Variants in PIKFYVE observed in about 807,000 individuals in gnomAD.
The protein encoded by PIKFYVE is 1-phosphatidylinositol 3-phosphate 5-kinase.
A neutral mutation model predicts 257.9 loss-of-function variants in PIKFYVE; 122 were observed. The ratio of observed to expected loss-of-function variants is 0.47; its 90% CI spans 0.41 to 0.55. PIKFYVE has a LOEUF of 0.55. Among genes scored for constraint, PIKFYVE ranks in the 20% least tolerant of loss-of-function variants. The pLI is 0.00. For synonymous variants in PIKFYVE, 892 were observed against 868.9 expected (o/e 1.03, Z -0.47); for missense variants, 2,160 against 2,536.6 (o/e 0.85, Z 3.19).
intron 15 of PIKFYVE, among the ~76,000 whole-genome samples, chr2:208,316,787 A>C (rs558297226): frequency 1.3e-5 from 2 of 152,248 alleles, no homozygotes; most frequent in East Asian, 3.8e-4. Flanking sequence ...AAATAGAGAT[A>C]TAGATCAATG....
chr2:208,348,419 C>T (rs1292203783), intron 35 of PIKFYVE, among the ~76,000 whole-genome samples: 1 of 152,090 alleles, frequency 6.6e-6, no homozygotes, highest in Non-Finnish European at 1.5e-5. Flanking sequence ...TGTAAAGTTG[C>T]AGCTATTTAT....
At chr2:208,267,502 GTTTT>G (rs376773052) in intron 1 of PIKFYVE, among the ~76,000 whole-genome samples, 11 of 109,132 alleles carry the variant, frequency 1.0e-4, no homozygotes, top group Admixed American at 2.2e-4. Context: ...TACATTGCCA[GTTTT>G]TTTTTTTTTT....
At chr2:208,324,303 A>G (rs371582765) in intron 18 of PIKFYVE, 21 bp downstream of exon 18, 203 of 1,610,298 alleles carry the variant, frequency 1.3e-4, no homozygotes, top group Non-Finnish European at 1.6e-4. Context: ...TTAATTTTCT[A>G]TTGTATTTTA....
chr2:208,300,763 A>T (rs6755550), intron 8 of PIKFYVE, among the ~76,000 whole-genome samples, 174 bp from the exon 9 acceptor site: 151,329 of 152,366 alleles, frequency 0.99, 75,161 homozygotes, highest in Middle Eastern at 1. Flanking sequence ...TTAGATGAGC[A>T]GAGTTCAAGC....
At chr2:208,285,551 C>T (rs1337123521) in intron 5 of PIKFYVE, among the ~76,000 whole-genome samples, 175 bp from the exon 6 acceptor site, 1 of 152,016 alleles carries the variant, frequency 6.6e-6, no homozygotes, top group Non-Finnish European at 1.5e-5. Context: ...TATAATAGAG[C>T]TAACAAAATT....
chr2:208,299,280 T>C lies in PIKFYVE; in HGVS notation c.1050+501T>C, dbSNP rs575460915. ...TCATTGCATTAATATTTTCTTTTCT[T>C]TCTTTCTTTATTATTATTATTTTTT... On this transcript the variant is annotated intron_variant, in intron 8 of 41. Transcript: ENST00000264380. Among the ~76,000 whole-genome samples the C allele has an allele frequency of 5.3e-5, 8 of 151,968 alleles. No homozygotes were observed. The South Asian group carries it at 1.7e-3, about 32-fold the overall frequency.
intron 17 of PIKFYVE, among the ~76,000 whole-genome samples, chr2:208,323,764 A>G (rs1696587906): frequency 6.6e-6 from 1 of 152,188 alleles, no homozygotes; most frequent in South Asian, 2.1e-4. Flanking sequence ...CATCCTCTCC[A>G]GCACATGTTG....
intron 9 of PIKFYVE, 71 bp from the exon 10 acceptor site, chr2:208,302,171 T>G (rs888574249): frequency 7.0e-6 from 9 of 1,292,694 alleles, no homozygotes; most frequent in East Asian, 2.3e-5. Context: ...ATTTTAAGGT[T>G]GTGTCTTATC....
At chr2:208,351,626 C>T (rs112062350) in intron 38 of PIKFYVE, among the ~76,000 whole-genome samples, 171 bp downstream of exon 38, 1 of 152,026 alleles carries the variant, frequency 6.6e-6, no homozygotes, top group African/African-American at 2.4e-5. Context: ...GTATACAAAG[C>T]ATAGTGCTGG....
intron 34 of PIKFYVE, among the ~76,000 whole-genome samples, chr2:208,346,574 T>C (rs1699253178): frequency 6.6e-6 from 1 of 152,216 alleles, no homozygotes; most frequent in African/African-American, 2.4e-5. Flanking sequence ...ATATCCTTAT[T>C]TTTCAAGAAG....
intron 10 of PIKFYVE, among the ~76,000 whole-genome samples, chr2:208,303,895 G>T (rs545083293): frequency 6.6e-6 from 1 of 152,222 alleles, no homozygotes; most frequent in Admixed American, 6.5e-5. Flanking sequence ...TCAGGACTAA[G>T]GCATGAAATG....
chr2:208,300,109 C>G (rs1019484232), intron 8 of PIKFYVE, among the ~76,000 whole-genome samples: 4 of 152,004 alleles, frequency 2.6e-5, no homozygotes, highest in African/African-American at 9.7e-5. Flanking sequence ...AGTAGTAATA[C>G]TTTAATAATA....
rs149384342 is a variant in PIKFYVE at position 208,315,350 on chromosome 2, C to T, written c.1984C>T (p.Arg662Cys). 1.1e-5 allele frequency: 17 copies of T among 1,613,958 alleles called. No individual in the cohort carries two copies. Among genetic ancestry groups the T allele is most frequent in the Admixed American group, 3.3e-5 (2 of 59,994 alleles). Residue 662 changes from arginine (R) to cysteine (C), a missense_variant, in exon 15 of 42, where the codon CGT (arginine) becomes TGT (cysteine). By Grantham distance (180) the Arg-to-Cys change is radical. Transcript: ENST00000264380. ...GAACCAGGATGATGACATGGATATC[C>T]GTCAGTTTGTCCACATCAAAAAAGT... ...VKNQDDDMDI[R>C]QFVHIKKIPG...
chr2:208,345,715 T>C (rs1699164785), intron 33 of PIKFYVE, among the ~76,000 whole-genome samples: 1 of 152,180 alleles, frequency 6.6e-6, no homozygotes, highest in Non-Finnish European at 1.5e-5. Flanking sequence ...TGAATTGTCA[T>C]TGTGATAACT....
intron 1 of PIKFYVE, among the ~76,000 whole-genome samples, chr2:208,267,830 G>A (rs1261097894): frequency 6.6e-6 from 1 of 152,242 alleles, no homozygotes; most frequent in Admixed American, 6.5e-5. Flanking sequence ...CCAGGCTGGA[G>A]TGAAGTGGTG....
chr2:208,300,173 A>G (rs1693507582), intron 8 of PIKFYVE, among the ~76,000 whole-genome samples: 2 of 152,230 alleles, frequency 1.3e-5, no homozygotes, highest in African/African-American at 4.8e-5. Flanking sequence ...TCAAAAAAAC[A>G]GAAAGCTCAT....
chr2:208,276,013 C>T (rs1690053601), intron 3 of PIKFYVE, among the ~76,000 whole-genome samples: 1 of 152,140 alleles, frequency 6.6e-6, no homozygotes. Context: ...TTCAGTATTG[C>T]TATGTCAGGT....
chr2:208,284,220 A>G (rs1157782459), intron 5 of PIKFYVE, among the ~76,000 whole-genome samples: 1 of 151,432 alleles, frequency 6.6e-6, no homozygotes, highest in African/African-American at 2.4e-5. Context: ...ATTTAGAAAT[A>G]TTAACCTTGT....
intron 16 of PIKFYVE, among the ~76,000 whole-genome samples, chr2:208,319,759 A>G (rs1365851085): frequency 6.6e-6 from 1 of 152,110 alleles, no homozygotes; most frequent in Non-Finnish European, 1.5e-5. Context: ...CATGTTTCCT[A>G]TTTCAGCTTG....
Sources: gnomAD v4.1 joint callset for allele counts (sites outside exome capture counted in the v4.1 genomes callset) on GRCh38, gnomAD v4.1.1 for gene constraint, MANE v1.5 for transcripts, NCBI Gene and HGNC (gene_info 2026-07-23, HGNC 2026-07-21) for gene names.